The following OLFM2 variants were observed in gnomAD, a reference collection of about 807,000 sequenced individuals.
The protein encoded by OLFM2 is olfactomedin 2.
OLFM2 carries 20 observed loss-of-function variants against 43.9 expected under a neutral mutation model. The observed-to-expected ratio is 0.46, with a 90% CI of 0.32 to 0.66. The LOEUF (loss-of-function observed/expected upper bound fraction) is 0.66, where lower values mean the gene tolerates loss of function less well. Ranked by LOEUF, OLFM2 falls within the 30% of genes least tolerant of loss-of-function variation. The probability of loss-of-function intolerance (pLI) is 0.04; values close to 1 mark genes in which losing one functional copy is unlikely to be tolerated. For synonymous variants in OLFM2, 268 were observed against 278.6 expected (o/e 0.96, Z 0.38); for missense variants, 416 against 643.6 (o/e 0.65, Z 3.83).
At chr19:9,897,477 G>A (rs1428406277) in intron 1 of OLFM2, among the ~76,000 whole-genome samples, 1 of 152,172 alleles carries the variant, frequency 6.6e-6, no homozygotes, top group South Asian at 2.1e-4. Context: ...CAGCCTGGAC[G>A]ACAGAATGAG....
chr19:9,935,242 G>T (rs984435196), intron 1 of OLFM2, among the ~76,000 whole-genome samples: 2 of 152,188 alleles, frequency 1.3e-5, no homozygotes. Context: ...AATGATCACT[G>T]TTATCATAAT....
intron 1 of OLFM2, among the ~76,000 whole-genome samples, chr19:9,906,515 C>G (rs938393999): frequency 6.6e-6 from 1 of 152,012 alleles, no homozygotes; most frequent in Non-Finnish European, 1.5e-5. Context: ...TTTCTGATCA[C>G]GACAGCAGCA....
At chr19:9,934,677 A>G (rs1038704636) in intron 1 of OLFM2, among the ~76,000 whole-genome samples, 3 of 152,020 alleles carry the variant, frequency 2.0e-5, no homozygotes, top group African/African-American at 7.2e-5. Flanking sequence ...TCTCAGGCTC[A>G]CACATCCATT....
At chr19:9,922,475 CT>C (rs2086427390) in intron 1 of OLFM2, among the ~76,000 whole-genome samples, 2 of 152,072 alleles carry the variant, frequency 1.3e-5, no homozygotes, top group Non-Finnish European at 2.9e-5. Flanking sequence ...GTTCCCAGCA[CT>C]TTAGGAAGCT....
intron 1 of OLFM2, among the ~76,000 whole-genome samples, chr19:9,903,397 A>G (rs1039168034): frequency 6.6e-6 from 1 of 152,134 alleles, no homozygotes; most frequent in Non-Finnish European, 1.5e-5. Flanking sequence ...CATGTTATTC[A>G]CTAACATGTT....
At chr19:9,904,220 T>G (rs1168529367) in intron 1 of OLFM2, among the ~76,000 whole-genome samples, 2 of 150,270 alleles carry the variant, frequency 1.3e-5, no homozygotes, top group East Asian at 3.9e-4. Flanking sequence ...AGATGGAGTC[T>G]CACTCTGTCG....
chr19:9,862,131 G>T (rs150015289), intron 1 of OLFM2, among the ~76,000 whole-genome samples: 13 of 152,232 alleles, frequency 8.5e-5, no homozygotes, highest in African/African-American at 2.9e-4. Flanking sequence ...AACATCTGGT[G>T]GTTGTCCATG....
intron 1 of OLFM2, among the ~76,000 whole-genome samples, chr19:9,875,839 A>T (rs1001350671): frequency 1.3e-5 from 2 of 152,064 alleles, no homozygotes; most frequent in Non-Finnish European, 2.9e-5. Context: ...TGTCCCTCTG[A>T]ATAGCTCAAT....
chr19:9,921,963 G>A (rs1398721161), intron 1 of OLFM2, among the ~76,000 whole-genome samples: 1 of 151,984 alleles, frequency 6.6e-6, no homozygotes, highest in African/African-American at 2.4e-5. Flanking sequence ...GTGTGGTGGT[G>A]TGCACCTATA....
intron 1 of OLFM2, among the ~76,000 whole-genome samples, chr19:9,929,629 T>G (rs1278812834): frequency 6.8e-6 from 1 of 147,772 alleles, no homozygotes; most frequent in African/African-American, 2.5e-5. Context: ...ATAAAATAAA[T>G]GAATACATGC....
chr19:9,919,075 G>A (rs975671909), intron 1 of OLFM2, among the ~76,000 whole-genome samples: 6 of 152,158 alleles, frequency 3.9e-5, no homozygotes, highest in Admixed American at 2.0e-4. Flanking sequence ...GGTGGCTCAC[G>A]CCTGTAATCC....
At chr19:9,890,064 C>T (rs1314353963) in intron 1 of OLFM2, among the ~76,000 whole-genome samples, 4 of 152,020 alleles carry the variant, frequency 2.6e-5, no homozygotes, top group South Asian at 2.1e-4. Context: ...GGAGCTCACA[C>T]GGGTCGGGAG....
chr19:9,930,984 C>T, intron 1 of OLFM2, among the ~76,000 whole-genome samples: 1 of 152,188 alleles, frequency 6.6e-6, no homozygotes, highest in Non-Finnish European at 1.5e-5. Context: ...TGCACAACCA[C>T]ACACATTCAC....
At chr19:9,898,364 A>G (rs1020386235) in intron 1 of OLFM2, among the ~76,000 whole-genome samples, 1 of 151,764 alleles carries the variant, frequency 6.6e-6, no homozygotes, top group Non-Finnish European at 1.5e-5. Context: ...TCTACTAAAA[A>G]TGCAAATATT....
At chr19:9,865,485 CTTTTTTTTT>C (rs71188847) in intron 1 of OLFM2, among the ~76,000 whole-genome samples, 1 of 73,654 alleles carries the variant, frequency 1.4e-5, no homozygotes, top group Non-Finnish European at 2.4e-5. Context: ...TCTGTTTTTT[CTTTTTTTTT>C]TTTTTTTTTT....
intron 1 of OLFM2, among the ~76,000 whole-genome samples, chr19:9,882,802 C>T (rs1026344702): frequency 6.6e-6 from 1 of 151,466 alleles, no homozygotes; most frequent in Non-Finnish European, 1.5e-5. Flanking sequence ...CTCAGCACCT[C>T]AGGAGGCTGA....
At chr19:9,906,467 A>T (rs974351612) in intron 1 of OLFM2, among the ~76,000 whole-genome samples, 14 of 152,152 alleles carry the variant, frequency 9.2e-5, no homozygotes, top group African/African-American at 2.7e-4. Context: ...ACAAGACAAG[A>T]AAGAGCGCGC....
rs558210501 is a variant in OLFM2, at chr19:9,913,640, C to T, written c.63+22664G>A. On this transcript the variant is annotated intron_variant, in intron 1 of 5. Coordinates refer to ENST00000264833, the MANE Select transcript of OLFM2 (RefSeq NM_058164.4). Reference sequence around the variant, plus strand: ...CATCGCGCCTCCGCCTCATGCCCCGCGGCCGCCCGCCGCGCGTCCCTTCTC... The same window carrying T: ...CATCGCGCCTCCGCCTCATGCCCCGTGGCCGCCCGCCGCGCGTCCCTTCTC... 1.9e-5 allele frequency: 24 copies of T among 1,253,352 alleles called. 1 individual carries two copies. In the African/African-American group the frequency reaches 3.4e-4, roughly 18 times the overall value. The allele number at this position is 1,253,352 out of a possible 1,614,324, so 77.6% of individuals were successfully genotyped here.
intron 1 of OLFM2, among the ~76,000 whole-genome samples, chr19:9,895,920 C>T (rs1351825340): frequency 1.3e-5 from 2 of 151,988 alleles, no homozygotes; most frequent in Non-Finnish European, 2.9e-5. Flanking sequence ...TTACAACGCA[C>T]GTGTGATCAT....
Sources: allele counts gnomAD v4.1 joint callset (sites outside exome capture counted in the v4.1 genomes callset), GRCh38; gene constraint gnomAD v4.1.1; transcripts MANE v1.5; gene names NCBI Gene and HGNC (gene_info 2026-07-23, HGNC 2026-07-21).